PCBD2: variants seen among roughly 807,000 people sequenced by gnomAD.
The protein encoded by PCBD2 is pterin-4 alpha-carbinolamine dehydratase 2, also known as pterin-4-alpha-carbinolamine dehydratase 2.
PCBD2 carries 12 observed loss-of-function variants against 16.4 expected under a neutral mutation model. The observed-to-expected ratio is 0.73, with a 90% confidence interval of 0.47 to 1.19. The LOEUF (loss-of-function observed/expected upper bound fraction) is 1.19. Ranked by LOEUF, PCBD2 falls within the 50% of genes most tolerant of loss-of-function variation. PCBD2 has a pLI of 0.00. For synonymous variants in PCBD2, 58 were observed against 61.8 expected (o/e 0.94, Z 0.29); for missense variants, 138 against 156.8 (o/e 0.88, Z 0.64).
chr5:134,937,062 C>T (rs1414333717), intron 2 of PCBD2, among the ~76,000 whole-genome samples: 2 of 152,136 alleles, frequency 1.3e-5, no homozygotes, highest in Non-Finnish European at 2.9e-5. Flanking sequence ...TAGCTTGGTT[C>T]TTTCATAATT....
intron 2 of PCBD2, among the ~76,000 whole-genome samples, chr5:134,949,657 C>T (rs1057214547): frequency 6.6e-5 from 10 of 152,218 alleles, no homozygotes; most frequent in Non-Finnish European, 7.3e-5. Context: ...GTGTTGCCTA[C>T]AATTAAAATC....
chr5:134,907,191 T>G (rs981640255), intron 1 of PCBD2, among the ~76,000 whole-genome samples: 1 of 152,266 alleles, frequency 6.6e-6, no homozygotes, highest in Non-Finnish European at 1.5e-5. Flanking sequence ...ATAATTCTGT[T>G]TCTTTTCCAA....
chr5:134,947,689 C>A (rs796134559), intron 2 of PCBD2, among the ~76,000 whole-genome samples: 3 of 152,158 alleles, frequency 2.0e-5, no homozygotes, highest in African/African-American at 7.2e-5. Context: ...GCTCGGCCCC[C>A]TGACCTCAAT....
chr5:134,941,600 C>T (rs914776332), intron 2 of PCBD2, among the ~76,000 whole-genome samples: 11 of 152,072 alleles, frequency 7.2e-5, no homozygotes, highest in South Asian at 2.1e-4. Context: ...GACAGTTACT[C>T]GCTGTATGTG....
chr5:134,917,637 T>A (rs1274337535), intron 2 of PCBD2, among the ~76,000 whole-genome samples: 1 of 152,302 alleles, frequency 6.6e-6, no homozygotes, highest in East Asian at 1.9e-4. Flanking sequence ...AAGTCCAAGC[T>A]TTATTGGTTT....
At chr5:134,916,214 C>T (rs1750831126) in intron 2 of PCBD2, among the ~76,000 whole-genome samples, 1 of 152,042 alleles carries the variant, frequency 6.6e-6, no homozygotes, top group Admixed American at 6.6e-5. Flanking sequence ...CATTTGAACC[C>T]AGGAGGTAGA....
chr5:134,913,665 C>T (rs140084147), intron 2 of PCBD2, among the ~76,000 whole-genome samples: 35 of 152,118 alleles, frequency 2.3e-4, no homozygotes, highest in African/African-American at 8.0e-4. Context: ...TCAGAATAGG[C>T]GGTAGGAAGG....
chr5:134,950,417 C>T (rs948785361), intron 2 of PCBD2, among the ~76,000 whole-genome samples: 4 of 152,136 alleles, frequency 2.6e-5, no homozygotes, highest in East Asian at 3.8e-4. Flanking sequence ...AGTCTTAGAA[C>T]TTTAATAAAT....
intron 2 of PCBD2, among the ~76,000 whole-genome samples, chr5:134,920,484 A>C (rs1423208656): frequency 1.3e-5 from 2 of 152,252 alleles, no homozygotes; most frequent in Non-Finnish European, 2.9e-5. Context: ...GAGGAAGGGA[A>C]TATTCGCCAG....
chr5:134,957,702 A>G (rs975315624), intron 2 of PCBD2, among the ~76,000 whole-genome samples: 8 of 152,188 alleles, frequency 5.3e-5, no homozygotes, highest in Admixed American at 3.9e-4. Context: ...CTATAAAAAT[A>G]AAAAACAGGC....
chr5:134,917,490 C>T (rs548626008), intron 2 of PCBD2, among the ~76,000 whole-genome samples: 1 of 152,220 alleles, frequency 6.6e-6, no homozygotes, highest in Non-Finnish European at 1.5e-5. Flanking sequence ...AGGAAGGGAC[C>T]AAGCTTTGTG....
chr5:134,925,336 A>T (rs572797828), intron 2 of PCBD2: 2 of 398,338 alleles, frequency 5.0e-6, no homozygotes, highest in East Asian at 3.6e-5. Flanking sequence ...TAGGTTGCCA[A>T]TGGTGAGGGA....
chr5:134,948,124 G>T (rs993849417), intron 2 of PCBD2, among the ~76,000 whole-genome samples: 3 of 152,190 alleles, frequency 2.0e-5, no homozygotes, highest in Non-Finnish European at 4.4e-5. Flanking sequence ...TAGGAGAAAA[G>T]AATGGGTAGA....
At chr5:134,923,094 G>T (rs1225371623) in intron 2 of PCBD2, among the ~76,000 whole-genome samples, 2 of 152,178 alleles carry the variant, frequency 1.3e-5, no homozygotes, top group Non-Finnish European at 2.9e-5. Flanking sequence ...CTGTGAAATA[G>T]ATTTCCCAAA....
At chr5:134,915,607 C>T (rs1332095717) in intron 2 of PCBD2, among the ~76,000 whole-genome samples, 1 of 151,644 alleles carries the variant, frequency 6.6e-6, no homozygotes, top group Non-Finnish European at 1.5e-5. Context: ...GCCACCATGC[C>T]TGGCTAATTT....
intron 2 of PCBD2, among the ~76,000 whole-genome samples, chr5:134,938,142 G>A (rs1751183512): frequency 6.6e-6 from 1 of 152,228 alleles, no homozygotes; most frequent in African/African-American, 2.4e-5. Flanking sequence ...TTTTAGCCTT[G>A]TGAGTGTGGG....
chr5:134,936,781 A>G (rs978515714), intron 2 of PCBD2, among the ~76,000 whole-genome samples: 4 of 152,206 alleles, frequency 2.6e-5, no homozygotes, highest in African/African-American at 4.8e-5. Flanking sequence ...GCATCTGTCC[A>G]GTGGCCAAAG....
chr5:134,953,427 A>G (rs895713926), intron 2 of PCBD2, among the ~76,000 whole-genome samples: 1 of 150,274 alleles, frequency 6.7e-6, no homozygotes, highest in Non-Finnish European at 1.5e-5. Context: ...ATATATATGT[A>G]CTATTATACC....
chr5:134,908,389 G>A (rs979949429), intron 1 of PCBD2, among the ~76,000 whole-genome samples: 1 of 151,834 alleles, frequency 6.6e-6, no homozygotes, highest in African/African-American at 2.4e-5. Flanking sequence ...TCTCTGCTGG[G>A]CACAGTGGCT....
Sources: gnomAD v4.1 joint callset for allele counts (sites outside exome capture counted in the v4.1 genomes callset) on GRCh38, gnomAD v4.1.1 for gene constraint, MANE v1.5 for transcripts, NCBI Gene and HGNC (gene_info 2026-07-23, HGNC 2026-07-21) for gene names.